SHISA6: variants seen among roughly 807,000 people sequenced by gnomAD.
SHISA6 encodes protein shisa-6.
Under a neutral mutation model 47.9 loss-of-function variants are expected in SHISA6, and 22 were observed. The ratio of observed to expected loss-of-function variants is 0.46; its 90% CI spans 0.33 to 0.66. The LOEUF is 0.66. Ranked by LOEUF, SHISA6 falls within the 30% of genes least tolerant of loss-of-function variation. The pLI, the probability that SHISA6 is intolerant of heterozygous loss-of-function variation, is 0.02. For synonymous variants in SHISA6, 388 were observed against 337.8 expected (o/e 1.15, Z -1.63); for missense variants, 680 against 764.6 (o/e 0.89, Z 1.30).
At chr17:11,283,569 A>G (rs1040866273) in intron 2 of SHISA6, among the ~76,000 whole-genome samples, 5 of 152,228 alleles carry the variant, frequency 3.3e-5, no homozygotes, top group African/African-American at 1.2e-4. Flanking sequence ...GAATTAAGGA[A>G]AATAAGCCAA....
intron 2 of SHISA6, among the ~76,000 whole-genome samples, chr17:11,322,482 A>G (rs1910747164): frequency 6.6e-6 from 1 of 152,162 alleles, no homozygotes; most frequent in Admixed American, 6.5e-5. Flanking sequence ...TTTAAATTTT[A>G]TCTATATCTT....
chr17:11,405,723 C>G (rs1913929379), intron 3 of SHISA6, among the ~76,000 whole-genome samples: 2 of 151,982 alleles, frequency 1.3e-5, no homozygotes, highest in African/African-American at 4.8e-5. Flanking sequence ...ATCGCTTTAA[C>G]TCAGGAGACG....
chr17:11,447,222 G>T (rs1915261533), intron 3 of SHISA6, among the ~76,000 whole-genome samples: 1 of 152,200 alleles, frequency 6.6e-6, no homozygotes, highest in Admixed American at 6.5e-5. Flanking sequence ...GTAACCTGCA[G>T]TCTTCACAGT....
chr17:11,455,211 G>A (rs1329119170), intron 3 of SHISA6, among the ~76,000 whole-genome samples: 1 of 151,952 alleles, frequency 6.6e-6, no homozygotes, highest in African/African-American at 2.4e-5. Flanking sequence ...ACAGTTCAAT[G>A]AATGAATGAC....
At chr17:11,426,477 G>C (rs1423548233) in intron 3 of SHISA6, among the ~76,000 whole-genome samples, 1 of 152,208 alleles carries the variant, frequency 6.6e-6, no homozygotes. Flanking sequence ...AGAAGGTAAA[G>C]CATGATGTCT....
rs1402639283 is a variant in SHISA6, at chr17:11,474,405, G to T, written c.896-77491G>T. Among the ~76,000 whole-genome samples, 53 of 141,466 alleles carry T rather than the reference G, an allele frequency of 3.7e-4. 1 individual carries two copies. Among genetic ancestry groups the T allele is most frequent in the Admixed American group, 3.1e-3 (44 of 14,238 alleles). The allele number at this position is 141,466 out of a possible 152,430, so 92.8% of individuals were successfully genotyped here. On this transcript the variant is annotated intron_variant, in intron 3 of 5. Transcript: ENST00000441885. ...CATATCCTTTGCCCACTTTTTGATG[G>T]TTTTTTTTTTTTTTTCTTGTAAATT...
chr17:11,394,273 G>A (rs763837432), intron 3 of SHISA6, among the ~76,000 whole-genome samples: 1 of 152,116 alleles, frequency 6.6e-6, no homozygotes, highest in Admixed American at 6.5e-5. Flanking sequence ...GAACTTCCAG[G>A]TAAATGTAGT....
At chr17:11,349,006 G>A (rs1302831899) in intron 2 of SHISA6, among the ~76,000 whole-genome samples, 1 of 152,126 alleles carries the variant, frequency 6.6e-6, no homozygotes, top group Non-Finnish European at 1.5e-5. Flanking sequence ...TACAGCTTTG[G>A]GGGATTCATA....
At chr17:11,256,870 A>G (rs1033631554) in intron 1 of SHISA6, among the ~76,000 whole-genome samples, 1 of 152,132 alleles carries the variant, frequency 6.6e-6, no homozygotes, top group African/African-American at 2.4e-5. Flanking sequence ...TCTACTCTCT[A>G]CCTGGCTCCC....
intron 2 of SHISA6, among the ~76,000 whole-genome samples, chr17:11,309,842 C>T (rs1258635280): frequency 6.6e-6 from 1 of 152,208 alleles, no homozygotes; most frequent in Non-Finnish European, 1.5e-5. Context: ...TTTCCTTTCC[C>T]CATTTTCAAA....
chr17:11,249,468 A>G (rs1405106408), intron 1 of SHISA6, among the ~76,000 whole-genome samples: 2 of 152,154 alleles, frequency 1.3e-5, no homozygotes, highest in African/African-American at 4.8e-5. Context: ...CTGCAGGCTA[A>G]TCAAGCTGGA....
intron 2 of SHISA6, among the ~76,000 whole-genome samples, chr17:11,273,722 G>T (rs555700539): frequency 4.6e-5 from 7 of 152,234 alleles, no homozygotes; most frequent in Admixed American, 1.3e-4. Flanking sequence ...ATGGAGTGAT[G>T]GGCAGCCTGC....
At chr17:11,423,878 A>G (rs1001618729) in intron 3 of SHISA6, among the ~76,000 whole-genome samples, 2 of 152,218 alleles carry the variant, frequency 1.3e-5, no homozygotes, top group Non-Finnish European at 2.9e-5. Flanking sequence ...AACCAAATAC[A>G]ACATCTAGAC....
intron 1 of SHISA6, among the ~76,000 whole-genome samples, chr17:11,249,060 C>T (rs900137532): frequency 2.0e-5 from 3 of 151,370 alleles, no homozygotes; most frequent in Non-Finnish European, 4.4e-5. Context: ...ATGGCGTGAA[C>T]CTGGGAGGTG....
chr17:11,553,350 C>T (rs1024649934), intron 4 of SHISA6, among the ~76,000 whole-genome samples: 11 of 152,138 alleles, frequency 7.2e-5, no homozygotes, highest in South Asian at 4.1e-4. Flanking sequence ...AGAAAAGGCA[C>T]GCAAGGAGAG....
intron 3 of SHISA6, among the ~76,000 whole-genome samples, chr17:11,423,573 A>G (rs1252553763): frequency 2.0e-5 from 3 of 152,070 alleles, no homozygotes; most frequent in African/African-American, 4.8e-5. Flanking sequence ...TGATTCTCTG[A>G]CAGTGATATT....
At chr17:11,260,323 C>T (rs749549297) in intron 1 of SHISA6, among the ~76,000 whole-genome samples, 24 of 152,044 alleles carry the variant, frequency 1.6e-4, no homozygotes, top group Non-Finnish European at 3.1e-4. Context: ...GCAAAAAGGG[C>T]TCGCTGTGGG....
chr17:11,349,335 C>T (rs376570431), intron 2 of SHISA6, among the ~76,000 whole-genome samples: 6 of 152,124 alleles, frequency 3.9e-5, no homozygotes, highest in South Asian at 2.1e-4. Flanking sequence ...TTTATCAGCT[C>T]GTGACTCAGA....
intron 1 of SHISA6, among the ~76,000 whole-genome samples, chr17:11,248,209 A>G (rs1278494241): frequency 6.6e-6 from 1 of 152,216 alleles, no homozygotes; most frequent in Non-Finnish European, 1.5e-5. Context: ...TTCAGGATAC[A>G]TTGCTAACTC....
Sources: allele counts gnomAD v4.1 joint callset (sites outside exome capture counted in the v4.1 genomes callset), GRCh38; gene constraint gnomAD v4.1.1; transcripts MANE v1.5; gene names NCBI Gene and HGNC (gene_info 2026-07-23, HGNC 2026-07-21).